The following RPGRIP1 variants were observed in gnomAD, a reference collection of about 807,000 sequenced individuals.
The protein encoded by RPGRIP1 is X-linked retinitis pigmentosa GTPase regulator-interacting protein 1.
Under a neutral mutation model 157.9 loss-of-function variants are expected in RPGRIP1, and 128 were observed. The observed-to-expected ratio is 0.81, with a 90% CI of 0.70 to 0.94. The LOEUF (loss-of-function observed/expected upper bound fraction) is 0.94, where lower values mean the gene tolerates loss of function less well. RPGRIP1 is among the 40% of genes least tolerant of loss of function. The pLI, the probability that RPGRIP1 is intolerant of heterozygous loss-of-function variation, is 0.00. For missense variants in RPGRIP1, 1,486 were observed against 1,545.8 expected (o/e 0.96, Z 0.65); for synonymous variants, 554 against 571.6 (o/e 0.97, Z 0.44).
intron 23 of RPGRIP1, among the ~76,000 whole-genome samples, chr14:21,346,365 C>T (rs566950025): frequency 5.3e-5 from 8 of 152,224 alleles, no homozygotes; most frequent in Admixed American, 2.0e-4. Flanking sequence ...GCCTGGCCGA[C>T]ATGGTGAAAC....
At chr14:21,344,374 AT>A (rs1885348100) in intron 22 of RPGRIP1, among the ~76,000 whole-genome samples, 2 of 151,672 alleles carry the variant, frequency 1.3e-5, no homozygotes, top group Admixed American at 6.6e-5. Context: ...CTACTCATCT[AT>A]TTTTTTCCTG....
At position 21,325,326 on chromosome 14, in the gene RPGRIP1, A is replaced by G. The variant is rs1235834223; in HGVS notation, c.2310A>G (p.Lys770=). The change falls in exon 16 of 25, where the codon AAA becomes AAG. Residue 770 remains lysine, a synonymous_variant. Transcript: ENST00000400017. ...TACAGGCGTGCAATAAACGAAAGAA[A>G]GCCCAGGTCTACCTGTCAACCGATG... ...PSLQACNKRK[K]AQVYLSTDVL... is the part of the protein sequence containing the mutation. 3 of 1,606,922 alleles carry G rather than the reference A, an allele frequency of 1.9e-6. No individual in the cohort carries two copies. The highest frequency in any genetic ancestry group is 2.5e-6 in the Non-Finnish European group (3 of 1,176,582).
intron 19 of RPGRIP1, among the ~76,000 whole-genome samples, chr14:21,328,931 G>A (rs1883408060): frequency 6.6e-6 from 1 of 152,086 alleles, no homozygotes; most frequent in African/African-American, 2.4e-5. Context: ...ATCACCTGAG[G>A]TCAGGAGTTC....
At chr14:21,326,301 A>G in intron 17 of RPGRIP1, 128 bp downstream of exon 17, 1 of 642,296 alleles carries the variant, frequency 1.6e-6, no homozygotes. Context: ...AGGATTTAGA[A>G]TATTGTCAAG....
chr14:21,306,112 CTTTTTTTTTTTTTTTT>C lies in RPGRIP1; in HGVS notation c.801-1597_801-1582del, dbSNP rs539083010. 2.1e-3 allele frequency among the ~76,000 whole-genome samples: 95 copies of C among 44,818 alleles called. 1 individual carries two copies. Among genetic ancestry groups the C allele is most frequent in the East Asian group, 4.5e-3 (6 of 1,336 alleles). 29.4% of individuals were successfully genotyped at this position (44,818 alleles called of 152,430 possible). ...AGCTCCTAGGTTCAGGAATAATAGT[CTTTTTTTTTTTTTTTT>C]TTTTTTTTTTTTTTTTTTTTTGAGA... On this transcript the variant is annotated intron_variant, in intron 6 of 24. Coordinates refer to ENST00000400017, the MANE Select transcript of RPGRIP1 (RefSeq NM_020366.4).
chr14:21,304,215 T>C (rs1449838356), intron 6 of RPGRIP1, among the ~76,000 whole-genome samples: 2 of 149,980 alleles, frequency 1.3e-5, no homozygotes, highest in African/African-American at 4.9e-5. Flanking sequence ...CTCAGGAGGC[T>C]GAGGCAGGAA....
intron 19 of RPGRIP1, among the ~76,000 whole-genome samples, chr14:21,329,145 A>G (rs1462612953): frequency 8.2e-6 from 1 of 121,308 alleles, no homozygotes. Context: ...ACTCCATCTC[A>G]CCAAAAAAAA....
intron 9 of RPGRIP1, 26 bp downstream of exon 9, chr14:21,311,996 C>T (rs1173854527): frequency 1.3e-6 from 2 of 1,587,820 alleles, no homozygotes; most frequent in Non-Finnish European, 1.7e-6. Flanking sequence ...TGAAAGATAC[C>T]ATCTACATTT....
At chr14:21,295,719 G>T (rs1281984247) in intron 3 of RPGRIP1, among the ~76,000 whole-genome samples, 1 of 151,718 alleles carries the variant, frequency 6.6e-6, no homozygotes, top group Non-Finnish European at 1.5e-5. Context: ...CAGGTGATCC[G>T]CCTGCCTCGG....
At chr14:21,295,244 T>C (rs1340343172) in intron 3 of RPGRIP1, among the ~76,000 whole-genome samples, 1 of 151,972 alleles carries the variant, frequency 6.6e-6, no homozygotes, top group East Asian at 1.9e-4. Flanking sequence ...AGAGCTTGGG[T>C]GATAATATTT....
chr14:21,345,761 T>C (rs1885502330), intron 23 of RPGRIP1, among the ~76,000 whole-genome samples: 1 of 152,138 alleles, frequency 6.6e-6, no homozygotes, highest in South Asian at 2.1e-4. Flanking sequence ...GGGCCCTTTT[T>C]TTGTAGCAGC....
intron 23 of RPGRIP1, among the ~76,000 whole-genome samples, chr14:21,347,562 AGTCCT>A (rs1170566279): frequency 4.6e-5 from 7 of 152,326 alleles, no homozygotes; most frequent in Admixed American, 4.6e-4. Context: ...TTGAATTTTT[AGTCCT>A]ATTCCTGGCA....
intron 21 of RPGRIP1, among the ~76,000 whole-genome samples, chr14:21,340,272 C>T (rs908850991): frequency 6.6e-6 from 1 of 152,182 alleles, no homozygotes; most frequent in Non-Finnish European, 1.5e-5. Flanking sequence ...AGAGCTTGCT[C>T]AAGGGAATAT....
intron 12 of RPGRIP1, among the ~76,000 whole-genome samples, 164 bp downstream of exon 12, chr14:21,320,341 G>C (rs1055403470): frequency 6.6e-6 from 1 of 150,998 alleles, no homozygotes; most frequent in Non-Finnish European, 1.5e-5. Context: ...CCAGGCTGGA[G>C]TGCAGTGGCG....
At position 21,330,435 on chromosome 14, in the gene RPGRIP1, G is replaced by A. The variant is rs372088172; in HGVS notation, c.3238+48G>A. 3.0e-5 allele frequency: 39 copies of A among 1,303,750 alleles called. No individual in the cohort carries two copies. In the African/African-American group the frequency reaches 3.1e-4, roughly 10 times the overall value. 80.8% of individuals were successfully genotyped at this position (1,303,750 alleles called of 1,614,324 possible). A position where few individuals can be genotyped will look rare whatever the true frequency, so the allele number is the denominator to read the frequency against. Reference sequence around the variant, plus strand: ...TTTTTTCCTAGCACTTTGGGAGGCCGAGGTGGGCAGATCACGAGATCAGGC... The same window carrying A: ...TTTTTTCCTAGCACTTTGGGAGGCCAAGGTGGGCAGATCACGAGATCAGGC... On this transcript the variant is annotated intron_variant, in intron 20 of 24. Coordinates refer to ENST00000400017, the MANE Select transcript of RPGRIP1 (RefSeq NM_020366.4).
chr14:21,317,136 AG>A (rs1881860644), intron 10 of RPGRIP1, among the ~76,000 whole-genome samples: 1 of 151,740 alleles, frequency 6.6e-6, no homozygotes, highest in Non-Finnish European at 1.5e-5. Context: ...AAAAGAAAAA[AG>A]AAAAAAAAAG....
intron 10 of RPGRIP1, 56 bp downstream of exon 10, chr14:21,312,562 G>T: frequency 8.9e-7 from 1 of 1,125,386 alleles, no homozygotes; most frequent in South Asian, 1.4e-5. Flanking sequence ...ATTATAGAAA[G>T]TTCATTCCTA....
intron 24 of RPGRIP1, 64 bp downstream of exon 24, chr14:21,348,366 T>A: frequency 8.4e-7 from 1 of 1,192,550 alleles, no homozygotes; most frequent in Non-Finnish European, 1.2e-6. Flanking sequence ...TGAATATATT[T>A]TATCTTCAAT....
intron 22 of RPGRIP1, among the ~76,000 whole-genome samples, chr14:21,343,939 G>A (rs1221680609): frequency 9.6e-6 from 1 of 104,100 alleles, no homozygotes; most frequent in Non-Finnish European, 1.8e-5. Flanking sequence ...GCTCAGGCTG[G>A]TTTCAAACTC....
Sources: allele counts gnomAD v4.1 joint callset (sites outside exome capture counted in the v4.1 genomes callset), GRCh38; gene constraint gnomAD v4.1.1; transcripts MANE v1.5; gene names NCBI Gene and HGNC (gene_info 2026-07-23, HGNC 2026-07-21).